Variants in AUTS2 observed in about 807,000 individuals in gnomAD.
AUTS2 encodes the protein activator of transcription and developmental regulator AUTS2.
A neutral mutation model predicts 112.4 loss-of-function variants in AUTS2; 17 were observed. The observed-to-expected ratio is 0.15, with a 90% CI of 0.10 to 0.23. AUTS2 has a LOEUF of 0.23. Ranked by LOEUF, AUTS2 falls within the 10% of genes least tolerant of loss-of-function variation. The pLI is 1.00. For missense variants in AUTS2, 1,510 were observed against 1,701.6 expected (o/e 0.89, Z 1.98); for synonymous variants, 751 against 702.7 (o/e 1.07, Z -1.09).
At position 70,789,979 on chromosome 7, in the gene AUTS2, G is replaced by T. The variant is rs753461480; in HGVS notation, c.2763G>T (p.Gly921=). 3 of 1,611,268 alleles carry T rather than the reference G, an allele frequency of 1.9e-6. No homozygotes were observed. The highest frequency in any genetic ancestry group is 2.5e-6 in the Non-Finnish European group (3 of 1,178,880). Residue 921 remains glycine (G), a synonymous_variant, in exon 19 of 19, where the codon GGG becomes GGT. Transcript: ENST00000342771. ...AKEGHLPEKD[G]HGHEGRAAGE... ...AGGGCCACCTGCCCGAGAAGGACGG[G>T]CACGGCCACGAGGGGCGCGCCGCGG...
chr7:70,271,785 G>A (rs1371111134), intron 4 of AUTS2, among the ~76,000 whole-genome samples: 3 of 152,108 alleles, frequency 2.0e-5, no homozygotes, highest in African/African-American at 7.2e-5. Context: ...TGGCCAGTAT[G>A]AGTCACCACA....
intron 4 of AUTS2, among the ~76,000 whole-genome samples, chr7:70,236,096 G>T (rs1288323827): frequency 6.6e-6 from 1 of 152,200 alleles, no homozygotes; most frequent in Admixed American, 6.5e-5. Context: ...GTCCCTGAAA[G>T]TGAGGTATGT....
chr7:69,911,690 G>T (rs1795366012), intron 2 of AUTS2, among the ~76,000 whole-genome samples: 2 of 152,190 alleles, frequency 1.3e-5, no homozygotes, highest in Admixed American at 1.3e-4. Flanking sequence ...CCTTTCTGCA[G>T]CTGGTAGTCC....
intron 4 of AUTS2, among the ~76,000 whole-genome samples, chr7:70,152,461 G>A (rs1026145368): frequency 6.6e-6 from 1 of 151,100 alleles, no homozygotes. Context: ...AAAATGCACT[G>A]GAGCAACATC....
intron 4 of AUTS2, among the ~76,000 whole-genome samples, chr7:70,383,902 C>T (rs147930517): frequency 6.6e-5 from 10 of 152,358 alleles, no homozygotes; most frequent in African/African-American, 1.9e-4. Context: ...CAAGCCACTT[C>T]TGCATTATTC....
intron 1 of AUTS2, among the ~76,000 whole-genome samples, chr7:69,645,700 C>G (rs1294490012): frequency 6.6e-6 from 1 of 151,992 alleles, no homozygotes; most frequent in East Asian, 1.9e-4. Flanking sequence ...AACTTAGCTC[C>G]TGAGTTTAAG....
rs568582856 is a variant in AUTS2 at position 70,669,344 on chromosome 7, C to T, written c.691-29225C>T. Reference sequence around the variant, plus strand: ...AACAGAACCCTGATTTTAATTACATCCCTTCTGGTTATTCAGATTATAGAC... The same window carrying T: ...AACAGAACCCTGATTTTAATTACATTCCTTCTGGTTATTCAGATTATAGAC... On this transcript the variant is annotated intron_variant, in intron 5 of 18. Transcript: ENST00000342771. Among the ~76,000 whole-genome samples the T allele has an allele frequency of 3.8e-4, 58 of 152,312 alleles. 1 individual carries two copies. The highest frequency in any genetic ancestry group is 1.2e-3 in the African/African-American group (49 of 41,572).
At chr7:69,638,775 A>C (rs1794668261) in intron 1 of AUTS2, among the ~76,000 whole-genome samples, 1 of 152,222 alleles carries the variant, frequency 6.6e-6, no homozygotes, top group Admixed American at 6.5e-5. Flanking sequence ...TAAAGGTCTC[A>C]CCTGCCTAGA....
At chr7:69,940,779 C>G (rs942542882) in intron 2 of AUTS2, among the ~76,000 whole-genome samples, 5 of 151,998 alleles carry the variant, frequency 3.3e-5, no homozygotes, top group Non-Finnish European at 7.4e-5. Context: ...CAGCCTGGAC[C>G]AAGGTAGTAG....
At chr7:70,773,863 C>G (rs187569356) in intron 11 of AUTS2, among the ~76,000 whole-genome samples, 165 bp from the exon 12 acceptor site, 24 of 152,316 alleles carry the variant, frequency 1.6e-4, no homozygotes. Context: ...GTCAGGCCCC[C>G]TTGAGAAAGA....
chr7:70,070,808 G>A (rs1802725736), intron 2 of AUTS2, among the ~76,000 whole-genome samples: 1 of 151,590 alleles, frequency 6.6e-6, no homozygotes, highest in Non-Finnish European at 1.5e-5. Flanking sequence ...GGAGGTGGAG[G>A]TTGCGGTGAG....
chr7:69,988,905 T>G (rs1270429450), intron 2 of AUTS2, among the ~76,000 whole-genome samples: 1 of 152,100 alleles, frequency 6.6e-6, no homozygotes, highest in African/African-American at 2.4e-5. Flanking sequence ...GCACTTTTTG[T>G]TGGGGGCAGG....
rs181131798 is a variant in AUTS2 at position 70,791,660 on chromosome 7, C to A, written c.*664C>A. The A allele has an allele frequency of 6.7e-4, 102 of 152,698 alleles. No individual in the cohort carries two copies. The highest frequency in any genetic ancestry group is 2.3e-3 in the African/African-American group (96 of 41,558). The allele number at this position is 152,698 out of a possible 1,614,324, so 9.5% of individuals were successfully genotyped here. On this transcript the variant is annotated 3_prime_UTR_variant, in exon 19 of 19. Coordinates refer to ENST00000342771, the MANE Select transcript of AUTS2 (RefSeq NM_015570.4). ...CTAACTCAAAGGAGCCTTTTCAAAT[C>A]CATTTACAGCATACTTAAGGTCATA...
At chr7:70,260,755 T>A (rs999307860) in intron 4 of AUTS2, among the ~76,000 whole-genome samples, 1 of 142,484 alleles carries the variant, frequency 7.0e-6, no homozygotes, top group Non-Finnish European at 1.5e-5. Flanking sequence ...CTTTTTACAC[T>A]TTTTTTTTTT....
chr7:70,008,657 G>A (rs988319842), intron 2 of AUTS2, among the ~76,000 whole-genome samples: 12 of 152,126 alleles, frequency 7.9e-5, no homozygotes, highest in African/African-American at 2.2e-4. Context: ...TGACATGACC[G>A]CATGTAGGCT....
chr7:70,002,202 A>G (rs993378884), intron 2 of AUTS2, among the ~76,000 whole-genome samples: 1 of 152,222 alleles, frequency 6.6e-6, no homozygotes, highest in East Asian at 1.9e-4. Flanking sequence ...GTCTGGGCCA[A>G]TAACTTGGGG....
chr7:69,963,187 T>C (rs1797499711), intron 2 of AUTS2, among the ~76,000 whole-genome samples: 1 of 152,152 alleles, frequency 6.6e-6, no homozygotes, highest in East Asian at 1.9e-4. Context: ...CTGTTTTGGT[T>C]GTGGTTTCAG....
intron 2 of AUTS2, among the ~76,000 whole-genome samples, chr7:69,973,155 T>C (rs1797923725): frequency 6.6e-6 from 1 of 152,190 alleles, no homozygotes; most frequent in African/African-American, 2.4e-5. Flanking sequence ...ACAAGTCCTA[T>C]ATGAATTAGA....
intron 5 of AUTS2, among the ~76,000 whole-genome samples, chr7:70,456,532 C>G (rs1314552610): frequency 6.6e-6 from 1 of 152,222 alleles, no homozygotes; most frequent in African/African-American, 2.4e-5. Context: ...ATAGACAGGA[C>G]AGAAGAGCTG....
Sources: allele counts gnomAD v4.1 joint callset (sites outside exome capture counted in the v4.1 genomes callset), GRCh38; gene constraint gnomAD v4.1.1; transcripts MANE v1.5; gene names NCBI Gene and HGNC (gene_info 2026-07-23, HGNC 2026-07-21).